Variants in GMDS observed in about 807,000 individuals in gnomAD.
GMDS encodes the protein GDP-mannose 4,6 dehydratase.
In GMDS, 20 loss-of-function variants were observed where a neutral mutation model predicts 49.9. That is an observed-to-expected ratio of 0.40 (90% CI 0.28 to 0.58). GMDS has a LOEUF of 0.58. GMDS is among the 20% of genes least tolerant of loss of function. The pLI is 0.42. For missense variants in GMDS, 362 were observed against 481.4 expected (o/e 0.75, Z 2.32); for synonymous variants, 177 against 178.6 (o/e 0.99, Z 0.07).
chr6:1,726,778 A>G (rs1766607408), intron 8 of GMDS, among the ~76,000 whole-genome samples: 1 of 152,238 alleles, frequency 6.6e-6, no homozygotes, highest in Non-Finnish European at 1.5e-5. Flanking sequence ...TGAACAGATT[A>G]GCCAGAAAAT....
chr6:1,874,895 T>A (rs1394815453), intron 7 of GMDS, among the ~76,000 whole-genome samples: 1 of 152,186 alleles, frequency 6.6e-6, no homozygotes, highest in East Asian at 1.9e-4. Flanking sequence ...AATAAAATTG[T>A]TTTTCAAAAT....
intron 9 of GMDS, among the ~76,000 whole-genome samples, chr6:1,676,353 C>A (rs1476441671): frequency 6.6e-6 from 1 of 152,214 alleles, no homozygotes; most frequent in Non-Finnish European, 1.5e-5. Flanking sequence ...AATGGCCACA[C>A]TGCCCAAGGT....
intron 4 of GMDS, among the ~76,000 whole-genome samples, chr6:2,062,438 C>T (rs1470324835): frequency 6.6e-6 from 1 of 152,074 alleles, no homozygotes; most frequent in Non-Finnish European, 1.5e-5. Context: ...GAAGAGGGAT[C>T]CCATACACTT....
chr6:1,936,762 T>C (rs1289862466), intron 6 of GMDS, among the ~76,000 whole-genome samples: 2 of 151,760 alleles, frequency 1.3e-5, no homozygotes, highest in Non-Finnish European at 2.9e-5. Flanking sequence ...AGGTCAGGAG[T>C]TTGAGACCAG....
intron 1 of GMDS, among the ~76,000 whole-genome samples, chr6:2,153,788 C>T (rs143545334): frequency 1.5e-4 from 23 of 152,138 alleles, no homozygotes; most frequent in African/African-American, 5.1e-4. Context: ...GAATTTTAGA[C>T]TAAGAATATA....
rs114447677 is a variant in GMDS, at chr6:1,917,865, G to A, written c.771+12238C>T. ...CTCTGTGAGTCAGAAGCTGGAGGAC[G>A]GACCCAAGAACAGGGATATGTCGTC... On this transcript the variant is annotated intron_variant, in intron 7 of 10. Transcript: ENST00000380815. Among the ~76,000 whole-genome samples the A allele has an allele frequency of 5.8e-3, 880 of 152,298 alleles. 6 individuals are homozygous for A. The highest frequency in any genetic ancestry group is 0.02 in the African/African-American group (820 of 41,564).
chr6:2,233,541 T>C (rs1456050354), intron 1 of GMDS, among the ~76,000 whole-genome samples: 6 of 152,242 alleles, frequency 3.9e-5, no homozygotes, highest in Admixed American at 2.0e-4. Flanking sequence ...AAAACAGGGC[T>C]TGCCGTGGTG....
At chr6:1,958,293 A>AT (rs965577811) in intron 6 of GMDS, among the ~76,000 whole-genome samples, 73 of 148,188 alleles carry the variant, frequency 4.9e-4, no homozygotes, top group South Asian at 1.7e-3. Flanking sequence ...ATTAACTTTT[A>AT]TTTTTTTTTT....
intron 1 of GMDS, among the ~76,000 whole-genome samples, chr6:2,142,367 G>C (rs1776343567): frequency 6.6e-6 from 1 of 152,036 alleles, no homozygotes; most frequent in Non-Finnish European, 1.5e-5. Context: ...GTTAAGATTA[G>C]GTCATACTAA....
chr6:2,011,548 C>A (rs534727588), intron 4 of GMDS, among the ~76,000 whole-genome samples: 11 of 152,270 alleles, frequency 7.2e-5, no homozygotes, highest in Admixed American at 2.6e-4. Flanking sequence ...AAACAACATA[C>A]ATGTCCATCA....
At chr6:2,223,149 C>CTATATA (rs531975981) in intron 1 of GMDS, among the ~76,000 whole-genome samples, 1 of 149,130 alleles carries the variant, frequency 6.7e-6, no homozygotes, top group Non-Finnish European at 1.5e-5. Flanking sequence ...CTCTCTCTCT[C>CTATATA]TATATATATA....
chr6:1,778,153 G>A lies in GMDS; in HGVS notation c.772-35567C>T, dbSNP rs530409542. ...TCCTTAAAGAGCTGAATAAAGGATC[G>A]AGTTAGACTGGCCTTCTCAACACCT... On this transcript the variant is annotated intron_variant, in intron 7 of 10. Coordinates refer to ENST00000380815, the MANE Select transcript of GMDS (RefSeq NM_001500.4). This position sits in a 1 kb window ranked among gnomAD's most constrained non-coding sequence, Gnocchi z 4.6. Among the ~76,000 whole-genome samples, 2 of 152,270 alleles carry A rather than the reference G, an allele frequency of 1.3e-5. No homozygotes were observed. Among genetic ancestry groups the A allele is most frequent in the Admixed American group, 6.5e-5 (1 of 15,298 alleles).
At chr6:2,204,604 A>G (rs964956914) in intron 1 of GMDS, among the ~76,000 whole-genome samples, 1 of 152,224 alleles carries the variant, frequency 6.6e-6, no homozygotes, top group Non-Finnish European at 1.5e-5. Flanking sequence ...CAGTTGTGCA[A>G]TTGCATCAGT....
intron 6 of GMDS, among the ~76,000 whole-genome samples, chr6:1,934,895 C>T (rs1762452441): frequency 6.6e-6 from 1 of 152,138 alleles, no homozygotes; most frequent in African/African-American, 2.4e-5. Context: ...AGGCTGCACA[C>T]CTGTCCTGAG....
chr6:1,702,877 AC>A (rs1453725306), intron 9 of GMDS, among the ~76,000 whole-genome samples: 1 of 151,996 alleles, frequency 6.6e-6, no homozygotes, highest in East Asian at 1.9e-4. Flanking sequence ...TGACAGCTCC[AC>A]CCCAACCCTC....
At chr6:1,743,656 C>T (rs993495751) in intron 7 of GMDS, among the ~76,000 whole-genome samples, 7 of 151,888 alleles carry the variant, frequency 4.6e-5, no homozygotes, top group Non-Finnish European at 8.8e-5. Flanking sequence ...GTGGCACCAG[C>T]GCAGCCCCGC....
chr6:1,817,678 T>C (rs1479865927), intron 7 of GMDS, among the ~76,000 whole-genome samples: 2 of 152,222 alleles, frequency 1.3e-5, no homozygotes, highest in Non-Finnish European at 2.9e-5. Flanking sequence ...TAATTGCTTC[T>C]GTCCTTGTGA....
intron 7 of GMDS, among the ~76,000 whole-genome samples, chr6:1,927,502 T>C (rs909877393): frequency 2.6e-5 from 4 of 152,266 alleles, no homozygotes; most frequent in Non-Finnish European, 5.9e-5. Flanking sequence ...CAATCATAAA[T>C]GACTTCACTG....
intron 9 of GMDS, among the ~76,000 whole-genome samples, chr6:1,628,437 T>A (rs4959584): frequency 6.6e-6 from 1 of 152,068 alleles, no homozygotes; most frequent in Admixed American, 6.5e-5. Context: ...CACCTCCATA[T>A]CACTTTCTCT....
Sources: gnomAD v4.1 joint callset for allele counts (sites outside exome capture counted in the v4.1 genomes callset) on GRCh38, gnomAD v4.1.1 for gene constraint, Gnocchi (gnomAD v3.1) non-coding constraint, MANE v1.5 for transcripts, NCBI Gene and HGNC (gene_info 2026-07-23, HGNC 2026-07-21) for gene names.